USP25: variants seen among roughly 807,000 people sequenced by gnomAD.
USP25 encodes ubiquitin carboxyl-terminal hydrolase 25.
A neutral mutation model predicts 158.5 loss-of-function variants in USP25; 85 were observed. The ratio of observed to expected loss-of-function variants is 0.54; its 90% CI spans 0.45 to 0.64. The LOEUF (loss-of-function observed/expected upper bound fraction) is 0.64, where lower values mean the gene tolerates loss of function less well. Ranked by LOEUF, USP25 falls within the 30% of genes least tolerant of loss-of-function variation. The pLI is 0.00. For synonymous variants in USP25, 464 were observed against 460.4 expected (o/e 1.01, Z -0.10); for missense variants, 1,242 against 1,327.3 (o/e 0.94, Z 1.00).
In USP25 at chr21:15,816,588, G is replaced by A. The variant is rs1034888012; in HGVS notation, c.932-2110G>A. Among the ~76,000 whole-genome samples, 1 of 152,062 alleles carries A rather than the reference G, an allele frequency of 6.6e-6. No homozygotes were observed. The highest frequency in any genetic ancestry group is 2.4e-5 in the African/African-American group (1 of 41,380). On this transcript the variant is annotated intron_variant, in intron 9 of 25. Coordinates refer to ENST00000400183, the MANE Select transcript of USP25 (RefSeq NM_001283041.3). This position sits in a 1 kb window ranked among gnomAD's most constrained non-coding sequence, Gnocchi z 4.0. ...GCATATAAAGGTAGCAGAACCTTAG[G>A]ACTTTGTTTAGGCCCATTTCTTCTT...
At chr21:15,822,488 CTTGT>C (rs1288961573) in intron 10 of USP25, among the ~76,000 whole-genome samples, 1 of 151,870 alleles carries the variant, frequency 6.6e-6, no homozygotes, top group African/African-American at 2.4e-5. Flanking sequence ...CATTTCATTT[CTTGT>C]GGCCATTGTA....
intron 5 of USP25, among the ~76,000 whole-genome samples, chr21:15,798,807 A>G (rs2035988820): frequency 2.0e-5 from 3 of 151,182 alleles, no homozygotes; most frequent in African/African-American, 7.3e-5. Context: ...ATTTCTTTAT[A>G]TGTAGTTTTC....
chr21:15,829,962 C>T (rs977420579), intron 14 of USP25, among the ~76,000 whole-genome samples: 8 of 152,084 alleles, frequency 5.3e-5, no homozygotes, highest in Non-Finnish European at 8.8e-5. Flanking sequence ...TACAATCTAA[C>T]CGTTTCCTTA....
rs114554038 is a variant in USP25, at chr21:15,784,671, C to T, written c.392+6644C>T. Among the ~76,000 whole-genome samples the T allele has an allele frequency of 2.4e-3, 360 of 152,010 alleles. 5 individuals carry two copies. Among genetic ancestry groups the T allele is most frequent in the African/African-American group, 8.4e-3 (348 of 41,456 alleles). ...AAAAGTCTAGATTATTTTTGTGTGA[C>T]CAAAGTTAAGTTGTTATTAGCTTAA... On this transcript the variant is annotated intron_variant, in intron 4 of 25. Coordinates refer to ENST00000400183, the MANE Select transcript of USP25 (RefSeq NM_001283041.3).
chr21:15,795,821 A>G (rs969044547), intron 5 of USP25, among the ~76,000 whole-genome samples: 2 of 151,518 alleles, frequency 1.3e-5, no homozygotes, highest in Admixed American at 6.6e-5. Flanking sequence ...TGTGGTTTCA[A>G]TAATGCCATC....
intron 17 of USP25, among the ~76,000 whole-genome samples, chr21:15,838,999 G>A (rs751648267): frequency 3.3e-5 from 5 of 152,080 alleles, no homozygotes; most frequent in Non-Finnish European, 7.4e-5. Context: ...AAGCATGGCC[G>A]GAAAATCACT....
intron 1 of USP25, among the ~76,000 whole-genome samples, chr21:15,737,211 A>C (rs1271519893): frequency 6.6e-6 from 1 of 151,890 alleles, no homozygotes; most frequent in African/African-American, 2.4e-5. Context: ...TTTTAGTTTG[A>C]TTATCTAGAT....
chr21:15,824,048 A>T lies in USP25; in HGVS notation c.1090A>T (p.Thr364Ser). 2 of 1,612,770 alleles carry T rather than the reference A, an allele frequency of 1.2e-6. No individual in the cohort carries two copies. The highest frequency in any genetic ancestry group is 1.7e-6 in the Non-Finnish European group (2 of 1,179,364). ...SGKSGQEHWF[T>S]ELPPVLTFEL... ...TTTTATTTCCTTTCAGCATTGGTTT[A>T]CTGAATTACCACCTGTGTTAACATT... The change falls in exon 11 of 26, where the codon ACT becomes TCT. Residue 364 changes from threonine to serine, a missense_variant. By Grantham distance (58) the Thr-to-Ser change is moderately conservative (BLOSUM62 1). Coordinates refer to ENST00000400183, the MANE Select transcript of USP25 (RefSeq NM_001283041.3).
intron 5 of USP25, among the ~76,000 whole-genome samples, chr21:15,794,916 G>A (rs945387312): frequency 2.6e-5 from 4 of 151,492 alleles, no homozygotes; most frequent in African/African-American, 9.7e-5. Context: ...ATCTAAAGTA[G>A]TACGTGAGGA....
intron 8 of USP25, among the ~76,000 whole-genome samples, chr21:15,810,691 C>T (rs1342234227): frequency 6.6e-6 from 1 of 152,112 alleles, no homozygotes; most frequent in African/African-American, 2.4e-5. Context: ...TTTTTTTGGA[C>T]TCTTCCATGT....
intron 7 of USP25, 160 bp downstream of exon 7, chr21:15,805,418 A>G (rs1332573617): frequency 3.0e-5 from 20 of 660,882 alleles, no homozygotes; most frequent in African/African-American, 1.9e-5. Flanking sequence ...TTTAAGAGAA[A>G]AGTGATCTTG....
chr21:15,763,297 C>T (rs1454370253), intron 2 of USP25, among the ~76,000 whole-genome samples: 1 of 151,876 alleles, frequency 6.6e-6, no homozygotes, highest in Admixed American at 6.6e-5. Flanking sequence ...AATGAGGGTT[C>T]AAGGTGGGGT....
At chr21:15,809,135 G>A (rs1296828641) in intron 8 of USP25, among the ~76,000 whole-genome samples, 4 of 152,140 alleles carry the variant, frequency 2.6e-5, no homozygotes, top group Non-Finnish European at 5.9e-5. Flanking sequence ...CACTTTTCAT[G>A]ACGAGGAATG....
Position 15,762,948 on chromosome 21 carries a change from A to G in USP25, c.103A>G (p.Ile35Val), listed in dbSNP as rs139609741. Reference protein sequence around the residue: ...REITGINDTQILQQALKDSNG... With the variant: ...REITGINDTQVLQQALKDSNG... ...AATTACGGGGATTAATGACACCCAG[A>G]TACTACAGCAAGCCTTGAAGGTATG... is the stretch of plus-strand genomic sequence containing the variant. The change falls in exon 2 of 26, where the codon ATA (isoleucine) becomes GTA (valine). Residue 35 changes from isoleucine (I) to valine (V), a missense_variant. Ile to Val is a conservative substitution (Grantham distance 29). Around this residue, in one of 3 missense-constraint regions of USP25, gnomAD observed 627 missense variants for 701.4 expected, o/e 0.89. Transcript: ENST00000400183. The G allele has an allele frequency of 6.2e-7, 1 of 1,612,794 alleles. No homozygotes were observed. The highest frequency in any genetic ancestry group is 8.5e-7 in the Non-Finnish European group (1 of 1,179,204).
rs558986577 is a variant in USP25, at chr21:15,816,084, G to A, written c.932-2614G>A. On this transcript the variant is annotated intron_variant, in intron 9 of 25. Coordinates refer to ENST00000400183, the MANE Select transcript of USP25 (RefSeq NM_001283041.3). This position sits in a 1 kb window ranked among gnomAD's most constrained non-coding sequence, Gnocchi z 4.0. ...CTCAACTTGAATTATATCTCCCAGA[G>A]TTCCCACATGTTGTGGGAGGGACCC... Among the ~76,000 whole-genome samples, 4 of 152,304 alleles carry A rather than the reference G, an allele frequency of 2.6e-5. No homozygotes were observed. Among genetic ancestry groups the A allele is most frequent in the East Asian group, 1.9e-4 (1 of 5,184 alleles).
chr21:15,818,451 G>A (rs1042837090), intron 9 of USP25, among the ~76,000 whole-genome samples: 1 of 152,008 alleles, frequency 6.6e-6, no homozygotes, highest in Non-Finnish European at 1.5e-5. Flanking sequence ...TGCTTCTTGC[G>A]AGAAAAAATA....
At chr21:15,754,948 T>C (rs1295799804) in intron 1 of USP25, among the ~76,000 whole-genome samples, 1 of 152,194 alleles carries the variant, frequency 6.6e-6, no homozygotes, top group Non-Finnish European at 1.5e-5. Flanking sequence ...TTTCTTATGG[T>C]AAGAGAACAT....
intron 14 of USP25, among the ~76,000 whole-genome samples, chr21:15,828,154 TAGTAAGAAGTA>T (rs759008928): frequency 4.0e-4 from 61 of 152,200 alleles, no homozygotes; most frequent in Admixed American, 1.4e-3. Context: ...GGCCCTAATT[TAGTAAGAAGTA>T]CATAAGGTAT....
chr21:15,868,103 G>T (rs1038329228), intron 22 of USP25, among the ~76,000 whole-genome samples: 4 of 151,986 alleles, frequency 2.6e-5, no homozygotes, highest in Non-Finnish European at 4.4e-5. Context: ...AATGGTTCTG[G>T]GAAATAAATA....
Sources: allele counts gnomAD v4.1 joint callset (sites outside exome capture counted in the v4.1 genomes callset), GRCh38; gene constraint gnomAD v4.1.1; regional missense constraint gnomAD v4.1.1; non-coding constraint Gnocchi (gnomAD v3.1); transcripts MANE v1.5; gene names NCBI Gene and HGNC (gene_info 2026-07-23, HGNC 2026-07-21).